PISD: variants seen among roughly 807,000 people sequenced by gnomAD.
The protein encoded by PISD is phosphatidylserine decarboxylase proenzyme, mitochondrial.
Under a neutral mutation model 43.5 loss-of-function variants are expected in PISD, and 31 were observed. The observed-to-expected ratio is 0.71, with a 90% CI of 0.54 to 0.96. The LOEUF is 0.96. PISD is among the 40% of genes least tolerant of loss of function. The probability of loss-of-function intolerance (pLI) is 0.00; values close to 1 mark genes in which losing one functional copy is unlikely to be tolerated. For missense variants in PISD, 523 were observed against 548.4 expected (o/e 0.95, Z 0.46); for synonymous variants, 259 against 228.7 (o/e 1.13, Z -1.20).
At position 31,653,486 on chromosome 22, in the gene PISD, G is replaced by GT. The variant is rs547496213; in HGVS notation, c.66-2709dup. 7.2e-5 allele frequency among the ~76,000 whole-genome samples: 11 copies of GT among 152,236 alleles called. 1 individual carries two copies. In the South Asian group the frequency reaches 2.3e-3, roughly 32 times the overall value. On this transcript the variant is annotated intron_variant, in intron 1 of 7. Coordinates refer to ENST00000439502, the MANE Select transcript of PISD (RefSeq NM_001326411.2). ...GGAGATGATCATTTATGTATCCACC[G>GT]TAACTGGACACAGGGCACTCAGGTG...
chr22:31,648,208 C>G lies in PISD; in HGVS notation c.214G>C (p.Val72Leu), dbSNP rs867293115. Residue 72 changes from valine to leucine, a missense_variant, in exon 3 of 8, where the codon GTG becomes CTG. Physicochemically the swap from Val to Leu is conservative, Grantham distance 32. Coordinates refer to ENST00000439502, the MANE Select transcript of PISD (RefSeq NM_001326411.2). ...TACCCTGCATACCCGCCGCCTGTCA[C>G]CAACAGAATGGGCAGGGGACGCAGC... Reference protein sequence around the residue: ...FLLRPLPILLVTGGGYAGYRQ... With the variant: ...FLLRPLPILLLTGGGYAGYRQ... 1 of 1,612,440 alleles carries G rather than the reference C, an allele frequency of 6.2e-7. No homozygotes were observed. Among genetic ancestry groups the G allele is most frequent in the Admixed American group, 1.7e-5 (1 of 59,922 alleles).
chr22:31,656,214 G>A (rs999838826), intron 1 of PISD, among the ~76,000 whole-genome samples: 2 of 152,068 alleles, frequency 1.3e-5, no homozygotes, highest in South Asian at 4.1e-4. Context: ...TGTGATGGTG[G>A]TGGCCTATAA....
At chr22:31,643,387 T>C (rs2073793693) in intron 3 of PISD, among the ~76,000 whole-genome samples, 2 of 152,226 alleles carry the variant, frequency 1.3e-5, no homozygotes, top group African/African-American at 4.8e-5. Flanking sequence ...ATAATGACGT[T>C]GGATTCTTCT....
rs2072236714 is a variant in PISD at position 31,618,507 on chromosome 22, T to TTTTA, written c.*1101_*1104dup. On this transcript the variant is annotated 3_prime_UTR_variant, in exon 8 of 8. Transcript: ENST00000439502. ...AGAACACAGTTTTAAGTTTGATTTT[T>TTTTA]TTTATTTCAAAATGCTTTGCAATTA... 3 of 1,280,954 alleles carry TTTTA rather than the reference T, an allele frequency of 2.3e-6. No homozygotes were observed. The highest frequency in any genetic ancestry group is 3.1e-6 in the Non-Finnish European group (3 of 977,060). 79.3% of individuals were successfully genotyped at this position (1,280,954 alleles called of 1,614,324 possible). A position where few individuals can be genotyped will look rare whatever the true frequency, so the allele number is the denominator to read the frequency against.
chr22:31,623,776 GT>G, intron 3 of PISD: 1 of 1,614,184 alleles, frequency 6.2e-7, no homozygotes, highest in Non-Finnish European at 8.5e-7. Context: ...CAGGAGCGCA[GT>G]TTCAGAGCGG....
intron 3 of PISD, among the ~76,000 whole-genome samples, chr22:31,631,638 G>C (rs867575675): frequency 6.6e-6 from 1 of 152,122 alleles, no homozygotes; most frequent in Non-Finnish European, 1.5e-5. Context: ...AGTCCACCCC[G>C]TACCCACATG....
rs1459989213 is a variant in PISD, at chr22:31,620,717, C to T, written c.845-4G>A. ...GGGTTCACTGACATCAGGGAGCCTG[C>T]AGAGGCAGGGAATGCCGCTACTCCC... On this transcript the variant is annotated splice_region_variant and splice_polypyrimidine_tract_variant and intron_variant, in intron 6 of 7. Transcript: ENST00000439502. 3.7e-6 allele frequency: 6 copies of T among 1,614,006 alleles called. No homozygotes were observed. Among genetic ancestry groups the T allele is most frequent in the East Asian group, 4.5e-5 (2 of 44,904 alleles).
chr22:31,660,677 C>CA (rs1289085857), intron 1 of PISD, among the ~76,000 whole-genome samples: 2 of 152,096 alleles, frequency 1.3e-5, no homozygotes, highest in Non-Finnish European at 2.9e-5. Flanking sequence ...ATAACAACAA[C>CA]AAAAAACAAT....
rs368595701 is a variant in PISD at position 31,646,177 on chromosome 22, G to A, written c.321+1924C>T. Among the ~76,000 whole-genome samples the A allele has an allele frequency of 6.6e-5, 10 of 151,980 alleles. No homozygotes were observed. In the East Asian group the frequency reaches 1.5e-3, roughly 23 times the overall value. On this transcript the variant is annotated intron_variant, in intron 3 of 7. Coordinates refer to ENST00000439502, the MANE Select transcript of PISD (RefSeq NM_001326411.2). Reference sequence around the variant, plus strand: ...TTTGGGAGGCTGAGGCAGGAGGGTCGCTTGAGCCCAGGAGTTTGAGACCAG... The same window carrying A: ...TTTGGGAGGCTGAGGCAGGAGGGTCACTTGAGCCCAGGAGTTTGAGACCAG...
intron 2 of PISD, among the ~76,000 whole-genome samples, chr22:31,649,952 C>T (rs746023131): frequency 6.6e-6 from 1 of 152,088 alleles, no homozygotes; most frequent in African/African-American, 2.4e-5. Context: ...AGGCAAGAGG[C>T]ATGGAACAGA....
chr22:31,620,742 C>G, intron 6 of PISD, 29 bp from the exon 7 acceptor site: 1 of 1,612,590 alleles, frequency 6.2e-7, no homozygotes, highest in Non-Finnish European at 8.5e-7. Flanking sequence ...CCGCTACTCC[C>G]CGTCCAGAGC....
At chr22:31,625,768 CGCCGCGCGGAGCTCTGGTCCTT>C in intron 3 of PISD, 2 of 1,589,724 alleles carry the variant, frequency 1.3e-6, no homozygotes, top group East Asian at 2.3e-5. Context: ...CTCACCATTT[CGCCGCGCGGAGCTCTGGTCCTT>C]GCCGCGCCTC....
At chr22:31,623,652 G>A (rs953049577) in intron 3 of PISD, 5 of 1,592,504 alleles carry the variant, frequency 3.1e-6, no homozygotes, top group Non-Finnish European at 4.3e-6. Context: ...CCGGAAGGGA[G>A]GTCCGAGCCA....
At chr22:31,632,714 G>C (rs73402152) in intron 3 of PISD, among the ~76,000 whole-genome samples, 1,656 of 152,188 alleles carry the variant, frequency 0.011, 37 homozygotes, top group African/African-American at 0.038. Flanking sequence ...CATCGGATAG[G>C]GGACCACCTG....
intron 3 of PISD, among the ~76,000 whole-genome samples, chr22:31,627,075 G>A (rs946183713): frequency 6.6e-6 from 1 of 152,256 alleles, no homozygotes; most frequent in African/African-American, 2.4e-5. Flanking sequence ...TGAAGATTCC[G>A]CCCGGGAACC....
At chr22:31,639,120 G>T (rs2073612812) in intron 3 of PISD, among the ~76,000 whole-genome samples, 1 of 149,390 alleles carries the variant, frequency 6.7e-6, no homozygotes, top group Admixed American at 6.7e-5. Context: ...CAGCCTCTCA[G>T]GTAACAGGGA....
chr22:31,638,345 C>T lies in PISD; in HGVS notation c.321+9756G>A, dbSNP rs937339650. Reference sequence around the variant, plus strand: ...GGACGGCCACCCCTGCTGTCAAGCCCCTGCCCCATGGGAAACTCACCTCCA... The same window carrying T: ...GGACGGCCACCCCTGCTGTCAAGCCTCTGCCCCATGGGAAACTCACCTCCA... On this transcript the variant is annotated intron_variant, in intron 3 of 7. Transcript: ENST00000439502. The T allele has an allele frequency of 2.0e-5, 20 of 985,178 alleles. No homozygotes were observed. The East Asian group carries it at 1.9e-3, about 95-fold the overall frequency. 61.0% of individuals were successfully genotyped at this position (985,178 alleles called of 1,614,324 possible).
intron 3 of PISD, chr22:31,638,406 G>A: frequency 1.0e-6 from 1 of 985,382 alleles, no homozygotes; most frequent in Non-Finnish European, 1.2e-6. Flanking sequence ...TCCACCAAAT[G>A]CCCTGGGTCT....
chr22:31,624,664 C>A (rs952500937), intron 3 of PISD, among the ~76,000 whole-genome samples: 2 of 151,386 alleles, frequency 1.3e-5, no homozygotes, highest in African/African-American at 2.4e-5. Flanking sequence ...GACACACACA[C>A]ACACACACAC....
Sources: gnomAD v4.1 joint callset for allele counts (sites outside exome capture counted in the v4.1 genomes callset) on GRCh38, gnomAD v4.1.1 for gene constraint, MANE v1.5 for transcripts, NCBI Gene and HGNC (gene_info 2026-07-23, HGNC 2026-07-21) for gene names.